Variants in ASRGL1 observed in about 807,000 individuals in gnomAD.
ASRGL1 encodes asparaginase and isoaspartyl peptidase 1, also known as isoaspartyl peptidase/L-asparaginase.
Under a neutral mutation model 22.4 loss-of-function variants are expected in ASRGL1, and 16 were observed. The ratio of observed to expected loss-of-function variants is 0.71; its 90% confidence interval spans 0.48 to 1.08. The LOEUF (loss-of-function observed/expected upper bound fraction) is 1.08. Ranked by LOEUF, ASRGL1 falls within the 50% of genes least tolerant of loss-of-function variation. The pLI, the probability that ASRGL1 is intolerant of heterozygous loss-of-function variation, is 0.00. For missense variants in ASRGL1, 412 were observed against 410.1 expected (o/e 1.00, Z -0.04); for synonymous variants, 165 against 159.3 (o/e 1.04, Z -0.27).
At chr11:62,370,220 T>C (rs1379814448) in intron 4 of ASRGL1, among the ~76,000 whole-genome samples, 1 of 152,206 alleles carries the variant, frequency 6.6e-6, no homozygotes, top group Non-Finnish European at 1.5e-5. Flanking sequence ...TCTCTTGCTC[T>C]CACTAGCAGA....
intron 4 of ASRGL1, among the ~76,000 whole-genome samples, chr11:62,363,419 A>G (rs1482478829): frequency 1.3e-5 from 2 of 152,314 alleles, no homozygotes; most frequent in African/African-American, 4.8e-5. Flanking sequence ...TTTTCAGTTC[A>G]GTATAAATCA....
chr11:62,348,657 C>T (rs1419703400), intron 2 of ASRGL1, among the ~76,000 whole-genome samples: 13 of 151,774 alleles, frequency 8.6e-5, no homozygotes, highest in East Asian at 2.0e-4. Flanking sequence ...GAGCCAAGAT[C>T]GCGCCACTGC....
At chr11:62,376,808 T>C (rs1946943849) in intron 4 of ASRGL1, among the ~76,000 whole-genome samples, 1 of 152,196 alleles carries the variant, frequency 6.6e-6, no homozygotes, top group Admixed American at 6.5e-5. Flanking sequence ...CCTGGTCCAT[T>C]GTCAGTTTTG....
At chr11:62,372,678 G>C (rs1946805614) in intron 4 of ASRGL1, 2 of 1,140,922 alleles carry the variant, frequency 1.8e-6, no homozygotes, top group Admixed American at 3.4e-5. Flanking sequence ...GGGCTTCAGT[G>C]GCTATGGCTG....
chr11:62,391,669 A>G, intron 6 of ASRGL1, 37 bp downstream of exon 6: 2 of 1,563,416 alleles, frequency 1.3e-6, no homozygotes, highest in East Asian at 2.3e-5. Flanking sequence ...TAATTTGTGA[A>G]GATAAGTGCA....
chr11:62,348,466 G>A (rs1248239772), intron 2 of ASRGL1, among the ~76,000 whole-genome samples: 1 of 152,168 alleles, frequency 6.6e-6, no homozygotes, highest in African/African-American at 2.4e-5. Flanking sequence ...CACTTTGGGA[G>A]GCCGAGGCAG....
At chr11:62,338,654 G>C (rs577320501) in intron 2 of ASRGL1, among the ~76,000 whole-genome samples, 1 of 152,086 alleles carries the variant, frequency 6.6e-6, no homozygotes, top group Non-Finnish European at 1.5e-5. Context: ...AATAGAAGGC[G>C]GTTTAGCACG....
intron 4 of ASRGL1, among the ~76,000 whole-genome samples, chr11:62,378,008 C>T (rs1166418599): frequency 2.0e-5 from 3 of 152,046 alleles, no homozygotes; most frequent in African/African-American, 7.3e-5. Context: ...TTTGTTGCCT[C>T]TGGAGTGAAT....
chr11:62,367,011 T>C (rs373578723), intron 4 of ASRGL1, among the ~76,000 whole-genome samples: 6 of 150,908 alleles, frequency 4.0e-5, no homozygotes, highest in Admixed American at 1.3e-4. Context: ...TTGAGACCAG[T>C]CTGACCAACA....
intron 4 of ASRGL1, among the ~76,000 whole-genome samples, chr11:62,358,313 T>A (rs1007099568): frequency 4.3e-5 from 6 of 140,764 alleles, no homozygotes; most frequent in Non-Finnish European, 9.0e-5. Context: ...GAGGTTGCGG[T>A]GAGCCAAGAT....
intron 4 of ASRGL1, among the ~76,000 whole-genome samples, chr11:62,359,891 G>T (rs908420022): frequency 1.3e-5 from 2 of 151,670 alleles, no homozygotes; most frequent in African/African-American, 4.9e-5. Flanking sequence ...TTTATGTATT[G>T]TATTTACTAA....
At chr11:62,386,682 A>G (rs530967257) in intron 4 of ASRGL1, among the ~76,000 whole-genome samples, 31 of 152,282 alleles carry the variant, frequency 2.0e-4, no homozygotes, top group Non-Finnish European at 3.5e-4. Flanking sequence ...TTTCTGATGG[A>G]CAGATACACA....
intron 2 of ASRGL1, among the ~76,000 whole-genome samples, chr11:62,355,793 G>A (rs894892777): frequency 5.3e-4 from 81 of 151,998 alleles, no homozygotes; most frequent in African/African-American, 1.9e-3. Context: ...TGTGTCCCTG[G>A]GTACTTGAGA....
chr11:62,385,558 A>G (rs1168941855), intron 4 of ASRGL1, among the ~76,000 whole-genome samples: 1 of 152,088 alleles, frequency 6.6e-6, no homozygotes, highest in East Asian at 1.9e-4. Context: ...TTGCTATGGT[A>G]TTTTTGCCAC....
At chr11:62,376,039 T>G (rs557815543) in intron 4 of ASRGL1, among the ~76,000 whole-genome samples, 7 of 143,404 alleles carry the variant, frequency 4.9e-5, no homozygotes, top group African/African-American at 1.9e-4. Context: ...GAAGTGGAGG[T>G]TGCCATGAGC....
chr11:62,377,545 G>A (rs535830412), intron 4 of ASRGL1, among the ~76,000 whole-genome samples: 4 of 152,198 alleles, frequency 2.6e-5, no homozygotes, highest in East Asian at 1.9e-4. Context: ...AGTAAACACC[G>A]TCAGAGCATT....
chr11:62,356,851 A>G (rs2134607554), intron 3 of ASRGL1, 136 bp from the exon 4 acceptor site: 1 of 1,170,188 alleles, frequency 8.5e-7, no homozygotes, highest in Admixed American at 3.2e-5. Context: ...CAGCATACAG[A>G]AAAGCAAACC....
In ASRGL1 at chr11:62,350,979, T is replaced by C. The variant is rs547216718; in HGVS notation, c.191-5346T>C. Among the ~76,000 whole-genome samples, 7 of 152,322 alleles carry C rather than the reference T, an allele frequency of 4.6e-5. No individual in the cohort carries two copies. In the South Asian group the frequency reaches 1.5e-3, roughly 32 times the overall value. On this transcript the variant is annotated intron_variant, in intron 2 of 6. Transcript: ENST00000415229. ...TTCCTATGGGTTGTTTGAGCATTTT[T>C]TAGAATTTCATTTTGTTTTAGCTGT...
intron 4 of ASRGL1, chr11:62,371,650 C>G: frequency 3.1e-6 from 2 of 635,358 alleles, no homozygotes; most frequent in Non-Finnish European, 6.1e-6. Context: ...CTTGATTGGT[C>G]GAAAATAAGT....
Sources: allele counts gnomAD v4.1 joint callset (sites outside exome capture counted in the v4.1 genomes callset), GRCh38; gene constraint gnomAD v4.1.1; transcripts MANE v1.5; gene names NCBI Gene and HGNC (gene_info 2026-07-23, HGNC 2026-07-21).